Variants in TET2 observed in about 807,000 individuals in gnomAD.
The protein encoded by TET2 is tet methylcytosine dioxygenase 2, also known as methylcytosine dioxygenase TET2.
In TET2, 299 loss-of-function variants were observed where a neutral mutation model predicts 142.9. The ratio of observed to expected loss-of-function variants is 2.09; its 90% CI spans 1.90 to 2.30. TET2 has a LOEUF of 2.30. Ranked by LOEUF, TET2 falls within the 30% of genes most tolerant of loss-of-function variation. TET2 has a pLI of 0.00. For synonymous variants in TET2, 819 were observed against 849.0 expected, an observed-to-expected ratio of 0.96 and a Z score of 0.61; for missense variants, 2,418 against 2,378.0, an observed-to-expected ratio of 1.02 and a Z score of -0.35.
chr4:105,206,925 G>T (rs557879309), intron 2 of TET2, among the ~76,000 whole-genome samples: 4 of 152,204 alleles, frequency 2.6e-5, no homozygotes, highest in African/African-American at 9.6e-5. Flanking sequence ...CAAGAAGAGA[G>T]AATAAATTAT....
chr4:105,254,835 G>A (rs1730044037), intron 6 of TET2, among the ~76,000 whole-genome samples: 1 of 152,144 alleles, frequency 6.6e-6, no homozygotes, highest in Non-Finnish European at 1.5e-5. Flanking sequence ...ACCTCATCTG[G>A]CTCCTGAATG....
At chr4:105,150,968 T>C (rs1578523829) in intron 1 of TET2, among the ~76,000 whole-genome samples, 1 of 152,360 alleles carries the variant, frequency 6.6e-6, no homozygotes, top group South Asian at 2.1e-4. Flanking sequence ...ACTTGCTGAC[T>C]TAAAATAGAT....
intron 8 of TET2, among the ~76,000 whole-genome samples, chr4:105,266,257 A>T (rs768182048): frequency 2.6e-5 from 4 of 152,144 alleles, no homozygotes; most frequent in Non-Finnish European, 4.4e-5. Flanking sequence ...TAAATTTGGC[A>T]GTTCTGACCT....
At chr4:105,243,177 T>C (rs1578691051) in intron 5 of TET2, among the ~76,000 whole-genome samples, 1 of 152,312 alleles carries the variant, frequency 6.6e-6, no homozygotes, top group Non-Finnish European at 1.5e-5. Flanking sequence ...GTATAATCCT[T>C]CTTAGAATGT....
intron 1 of TET2, among the ~76,000 whole-genome samples, chr4:105,174,106 A>T (rs1323484263): frequency 6.6e-6 from 1 of 152,254 alleles, no homozygotes; most frequent in Non-Finnish European, 1.5e-5. Flanking sequence ...TTCTATAGCT[A>T]TACTGTTCAT....
At chr4:105,239,074 G>GTT (rs372909927) in intron 3 of TET2, 99 of 211,914 alleles carry the variant, frequency 4.7e-4, no homozygotes, top group African/African-American at 7.6e-4. Flanking sequence ...TTTGTTTTTT[G>GTT]TTTTTTTTTT....
intron 2 of TET2, among the ~76,000 whole-genome samples, chr4:105,216,211 T>C (rs1410171414): frequency 6.6e-6 from 1 of 152,152 alleles, no homozygotes; most frequent in Non-Finnish European, 1.5e-5. Context: ...AATGAGTATT[T>C]TTAAAGCCAC....
At chr4:105,248,714 A>AT (rs1198231578) in intron 6 of TET2, among the ~76,000 whole-genome samples, 2 of 152,198 alleles carry the variant, frequency 1.3e-5, no homozygotes, top group Non-Finnish European at 2.9e-5. Flanking sequence ...GTTTCAGTAC[A>AT]TTCACAAAGC....
chr4:105,206,127 C>G (rs1726809091), intron 2 of TET2, among the ~76,000 whole-genome samples: 1 of 152,140 alleles, frequency 6.6e-6, no homozygotes, highest in Non-Finnish European at 1.5e-5. Flanking sequence ...TGCTTCAGCC[C>G]ATCTGGTTGG....
chr4:105,233,217 C>T (rs28538328), intron 2 of TET2, among the ~76,000 whole-genome samples: 1 of 151,738 alleles, frequency 6.6e-6, no homozygotes, highest in Non-Finnish European at 1.5e-5. Flanking sequence ...AACCCCATCT[C>T]TACTAAAAAT....
chr4:105,204,455 A>T (rs1316483445), intron 2 of TET2, among the ~76,000 whole-genome samples: 5 of 152,180 alleles, frequency 3.3e-5, no homozygotes, highest in Non-Finnish European at 5.9e-5. Context: ...TACAGTTGAT[A>T]GAAAAAGTAT....
In TET2 at chr4:105,237,005, A is replaced by G. The variant is rs1197754829; in HGVS notation, c.3063A>G (p.Gln1021=). The G allele has an allele frequency of 6.2e-7, 1 of 1,614,200 alleles. No homozygotes were observed. Among genetic ancestry groups the G allele is most frequent in the East Asian group, 2.2e-5 (1 of 44,866 alleles). Residue 1021 remains glutamine, a synonymous_variant, in exon 3 of 11, where the codon CAA becomes CAG. Transcript: ENST00000380013. The part of the protein sequence containing the change: ...NPPASCDNVQ[Q]KSIIETMEQH... ...CTGCAAGCTGTGATAATGTGCAGCA[A>G]AAGAGCATCATTGAGACCATGGAGC...
At position 105,212,245 on chromosome 4, in the gene TET2, C is replaced by T. The variant is rs768551646; in HGVS notation, c.-46-21652C>T. On this transcript the variant is annotated intron_variant, in intron 2 of 10. Transcript: ENST00000380013. ...CCCATAGTTGTAATGAATACCTCCT[C>T]TTTATCTTCTTAATGTTCTGCTTTG... 7.9e-5 allele frequency among the ~76,000 whole-genome samples: 12 copies of T among 152,304 alleles called. No individual in the cohort carries two copies. In the East Asian group the frequency reaches 2.3e-3, roughly 29 times the overall value.
At chr4:105,247,755 T>G (rs1729656468) in intron 6 of TET2, among the ~76,000 whole-genome samples, 1 of 132,844 alleles carries the variant, frequency 7.5e-6, no homozygotes, top group East Asian at 2.4e-4. Context: ...AGGCTCTCGC[T>G]CTGTCGCTTA....
chr4:105,204,818 C>T (rs576018510), intron 2 of TET2, among the ~76,000 whole-genome samples: 64 of 152,178 alleles, frequency 4.2e-4, no homozygotes, highest in Non-Finnish European at 7.9e-4. Context: ...TCTGTGTACA[C>T]TAAGTTAGTG....
intron 1 of TET2, among the ~76,000 whole-genome samples, chr4:105,153,608 T>C (rs1221448525): frequency 6.6e-6 from 1 of 152,204 alleles, no homozygotes; most frequent in African/African-American, 2.4e-5. Flanking sequence ...CTTATCCCTA[T>C]TTATGAGTGA....
At chr4:105,176,174 A>T (rs1186923244) in intron 1 of TET2, among the ~76,000 whole-genome samples, 1 of 152,240 alleles carries the variant, frequency 6.6e-6, no homozygotes, top group South Asian at 2.1e-4. Context: ...TACACAAAAA[A>T]CCTACAGTTT....
intron 1 of TET2, 84 bp from the exon 2 acceptor site, chr4:105,190,276 A>G (rs1725709516): frequency 1.9e-6 from 1 of 518,928 alleles, no homozygotes; most frequent in Non-Finnish European, 3.4e-6. Flanking sequence ...TAGGTATCCA[A>G]AACCTTTTAA....
intron 1 of TET2, among the ~76,000 whole-genome samples, chr4:105,187,646 A>G (rs1196884455): frequency 6.6e-6 from 1 of 152,196 alleles, no homozygotes; most frequent in East Asian, 1.9e-4. Flanking sequence ...CTTACATTTA[A>G]AATGTTACTA....
Sources: gnomAD v4.1 joint callset for allele counts (sites outside exome capture counted in the v4.1 genomes callset) on GRCh38, gnomAD v4.1.1 for gene constraint, MANE v1.5 for transcripts, NCBI Gene and HGNC (gene_info 2026-07-23, HGNC 2026-07-21) for gene names.